The following GABRB2 variants were observed in gnomAD, a reference collection of about 807,000 sequenced individuals.
GABRB2 encodes the protein gamma-aminobutyric acid receptor subunit beta-2.
In GABRB2, 16 loss-of-function variants were observed where a neutral mutation model predicts 54.7. That is an observed-to-expected ratio of 0.29 (90% CI 0.20 to 0.44). GABRB2 has a LOEUF of 0.44. Among genes scored for constraint, GABRB2 ranks in the 20% least tolerant of loss-of-function variants. GABRB2 has a pLI of 1.00. For missense variants in GABRB2, 355 were observed against 644.0 expected (o/e 0.55, Z 4.86); for synonymous variants, 244 against 233.8 (o/e 1.04, Z -0.40).
intron 9 of GABRB2, among the ~76,000 whole-genome samples, chr5:161,310,677 G>GCA (rs71579135): frequency 2.5e-3 from 379 of 150,700 alleles, no homozygotes; most frequent in South Asian, 0.011. Context: ...GCGCACGCGC[G>GCA]CACACACACA....
intron 5 of GABRB2, among the ~76,000 whole-genome samples, chr5:161,397,716 G>A (rs2113066309): frequency 6.6e-6 from 1 of 152,242 alleles, no homozygotes; most frequent in African/African-American, 2.4e-5. Flanking sequence ...TATTAAAACA[G>A]TTTAACACCT....
chr5:161,328,356 ATATT>A lies in GABRB2; in HGVS notation c.1078-1879_1078-1876del, dbSNP rs370920041. On this transcript the variant is annotated intron_variant, in intron 8 of 9. Transcript: ENST00000393959. ...CTTATTATATTTTAATATTTTATTA[ATATT>A]TATCACTTCCTGAGTGCTTACCATG... is the stretch of plus-strand genomic sequence containing the variant. Among the ~76,000 whole-genome samples, 51 of 152,264 alleles carry A rather than the reference ATATT, an allele frequency of 3.3e-4. No homozygotes were observed. The East Asian group carries it at 8.3e-3, about 25-fold the overall frequency.
rs71587159 is a variant in GABRB2, at chr5:161,472,456, G to GCACA, written c.238-12616_238-12613dup. On this transcript the variant is annotated intron_variant, in intron 3 of 9. Transcript: ENST00000393959. ...CACACACACATGCATACGCACACAT[G>GCACA]CACACACACACACACAGTCATATAC... Among the ~76,000 whole-genome samples, 434 of 141,384 alleles carry GCACA rather than the reference G, an allele frequency of 3.1e-3. 2 individuals are homozygous for GCACA. Among genetic ancestry groups the GCACA allele is most frequent in the African/African-American group, 0.011 (421 of 38,058 alleles). 92.8% of individuals were successfully genotyped at this position (141,384 alleles called of 152,430 possible). A position where few individuals can be genotyped will look rare whatever the true frequency, so the allele number is the denominator to read the frequency against.
At chr5:161,421,818 G>A (rs960110017) in intron 4 of GABRB2, among the ~76,000 whole-genome samples, 1 of 152,100 alleles carries the variant, frequency 6.6e-6, no homozygotes, top group Non-Finnish European at 1.5e-5. Context: ...TGGTGGAGAA[G>A]GCTTCTTAGG....
chr5:161,373,974 G>T (rs1051805014), intron 5 of GABRB2, among the ~76,000 whole-genome samples: 1 of 151,670 alleles, frequency 6.6e-6, no homozygotes, highest in Non-Finnish European at 1.5e-5. Flanking sequence ...ACTGAGTTTT[G>T]CTCGTGTTGC....
intron 3 of GABRB2, among the ~76,000 whole-genome samples, chr5:161,537,626 A>G (rs763534962): frequency 6.6e-6 from 1 of 152,094 alleles, no homozygotes; most frequent in Non-Finnish European, 1.5e-5. Context: ...GAAATTTTGC[A>G]GTAGGTTTTC....
At chr5:161,452,953 A>C (rs925608691) in intron 4 of GABRB2, among the ~76,000 whole-genome samples, 1 of 152,198 alleles carries the variant, frequency 6.6e-6, no homozygotes, top group African/African-American at 2.4e-5. Flanking sequence ...TCGAGATTGC[A>C]TCATTGCACT....
chr5:161,455,499 G>C (rs1757924959), intron 4 of GABRB2, among the ~76,000 whole-genome samples: 1 of 151,640 alleles, frequency 6.6e-6, no homozygotes, highest in African/African-American at 2.4e-5. Context: ...AAGGTCCCTA[G>C]GCCTCTGAAA....
chr5:161,339,927 A>T (rs1754106263), intron 5 of GABRB2, among the ~76,000 whole-genome samples: 1 of 152,046 alleles, frequency 6.6e-6, no homozygotes. Context: ...ATTAGGACAT[A>T]AAAAATACAT....
At chr5:161,501,615 T>C (rs1229872813) in intron 3 of GABRB2, among the ~76,000 whole-genome samples, 4 of 152,164 alleles carry the variant, frequency 2.6e-5, no homozygotes, top group African/African-American at 9.6e-5. Flanking sequence ...ATATTCCTAA[T>C]GTATTTTCCA....
chr5:161,392,834 G>C (rs1474176656), intron 5 of GABRB2, among the ~76,000 whole-genome samples: 2 of 152,130 alleles, frequency 1.3e-5, no homozygotes, highest in Non-Finnish European at 2.9e-5. Flanking sequence ...AGAGGGTTAA[G>C]TAAATCTACA....
At chr5:161,490,679 G>C (rs1243489703) in intron 3 of GABRB2, among the ~76,000 whole-genome samples, 1 of 151,624 alleles carries the variant, frequency 6.6e-6, no homozygotes, top group East Asian at 1.9e-4. Context: ...TGAGTAACTT[G>C]ATAGAAATTT....
At chr5:161,359,920 A>G (rs978798511) in intron 5 of GABRB2, among the ~76,000 whole-genome samples, 30 of 152,248 alleles carry the variant, frequency 2.0e-4, no homozygotes, top group African/African-American at 7.2e-4. Context: ...ATGTGTACTA[A>G]AAATACAGAA....
chr5:161,537,644 C>T (rs1393187349), intron 3 of GABRB2, among the ~76,000 whole-genome samples: 1 of 152,176 alleles, frequency 6.6e-6, no homozygotes, highest in African/African-American at 2.4e-5. Context: ...TTCAACTCAT[C>T]TTCCAACGTT....
At position 161,291,787 on chromosome 5, in the gene GABRB2, T is replaced by C. The variant is rs1174669714; in HGVS notation, c.*2294A>G. The C allele has an allele frequency of 6.6e-6, 1 of 152,610 alleles. No individual in the cohort carries two copies. The highest frequency in any genetic ancestry group is 2.4e-5 in the African/African-American group (1 of 41,454). 9.5% of individuals were successfully genotyped at this position (152,610 alleles called of 1,614,324 possible). A position where few individuals can be genotyped will look rare whatever the true frequency, so the allele number is the denominator to read the frequency against. ...GCACATAAGAGCCCACTTCTACACT[T>C]GGGCTCTGAGTTGACTCTAGAAGAG... On this transcript the variant is annotated 3_prime_UTR_variant, in exon 10 of 10. Transcript: ENST00000393959.
chr5:161,318,025 C>T (rs568469418), intron 9 of GABRB2, among the ~76,000 whole-genome samples: 8 of 152,002 alleles, frequency 5.3e-5, no homozygotes, highest in African/African-American at 1.9e-4. Context: ...GAAAAACTTG[C>T]AAAGTACTGC....
chr5:161,535,761 T>C (rs1354847501), intron 3 of GABRB2, among the ~76,000 whole-genome samples: 1 of 152,168 alleles, frequency 6.6e-6, no homozygotes, highest in Non-Finnish European at 1.5e-5. Context: ...GGTTTGGATG[T>C]TTGTCCTCCC....
At position 161,353,067 on chromosome 5, in the gene GABRB2, T is replaced by C. The variant is rs17059350; in HGVS notation, c.542-16298A>G. Among the ~76,000 whole-genome samples, 1,074 of 152,172 alleles carry C rather than the reference T, an allele frequency of 7.1e-3. 12 individuals carry two copies. The highest frequency in any genetic ancestry group is 0.025 in the African/African-American group (1,021 of 41,578). ...CTGCAAAGCAATTAGAACACTGTCT[T>C]AATGATTACTGGCTATTATTATTCT... On this transcript the variant is annotated intron_variant, in intron 5 of 9. Coordinates refer to ENST00000393959, the MANE Select transcript of GABRB2 (RefSeq NM_001371727.1).
chr5:161,441,346 T>C (rs988329237), intron 4 of GABRB2, among the ~76,000 whole-genome samples: 1 of 152,096 alleles, frequency 6.6e-6, no homozygotes, highest in African/African-American at 2.4e-5. Context: ...AACAGGAATA[T>C]AAAAAGATTC....
Sources: allele counts gnomAD v4.1 joint callset (sites outside exome capture counted in the v4.1 genomes callset), GRCh38; gene constraint gnomAD v4.1.1; transcripts MANE v1.5; gene names NCBI Gene and HGNC (gene_info 2026-07-23, HGNC 2026-07-21).